The following AGBL4 variants were observed in gnomAD, a reference collection of about 807,000 sequenced individuals.
AGBL4 encodes cytosolic carboxypeptidase 6.
AGBL4 carries 58 observed loss-of-function variants against 66.4 expected under a neutral mutation model. The observed-to-expected ratio is 0.87, with a 90% CI of 0.71 to 1.09. The LOEUF (loss-of-function observed/expected upper bound fraction) is 1.09. Ranked by LOEUF, AGBL4 falls within the 50% of genes least tolerant of loss-of-function variation. AGBL4 has a pLI of 0.00. For synonymous variants in AGBL4, 234 were observed against 222.9 expected (o/e 1.05, Z -0.44); for missense variants, 579 against 631.0 (o/e 0.92, Z 0.88).
At chr1:49,408,948 T>C (rs1372453577) in intron 3 of AGBL4, among the ~76,000 whole-genome samples, 2 of 152,222 alleles carry the variant, frequency 1.3e-5, no homozygotes, top group South Asian at 2.1e-4. Flanking sequence ...CACTGACTAA[T>C]ACACCTTGTG....
intron 5 of AGBL4, among the ~76,000 whole-genome samples, chr1:48,994,985 C>G (rs1190820767): frequency 6.6e-6 from 1 of 152,158 alleles, no homozygotes; most frequent in African/African-American, 2.4e-5. Context: ...ATTTCAAACA[C>G]AATTTGAGCC....
rs149672355 is a variant in AGBL4, at chr1:49,021,646, G to A, written c.594+23938C>T. 1.4e-3 allele frequency among the ~76,000 whole-genome samples: 208 copies of A among 152,168 alleles called. 2 individuals carry two copies. The highest frequency in any genetic ancestry group is 9.5e-3 in the South Asian group (46 of 4,822). ...TCTTGAACTGTGAGTAAAAAATTCC[G>A]GTTTTTAATAAACCACCTAGTCTAT... On this transcript the variant is annotated intron_variant, in intron 5 of 13. Coordinates refer to ENST00000371839, the MANE Select transcript of AGBL4 (RefSeq NM_032785.4).
chr1:48,732,118 G>A (rs1384408988), intron 6 of AGBL4, among the ~76,000 whole-genome samples: 2 of 152,146 alleles, frequency 1.3e-5, no homozygotes, highest in South Asian at 2.1e-4. Context: ...AAACAGATGG[G>A]TAGTGAGGGA....
chr1:49,398,027 T>C (rs866018383), intron 3 of AGBL4, among the ~76,000 whole-genome samples: 1 of 152,224 alleles, frequency 6.6e-6, no homozygotes, highest in African/African-American at 2.4e-5. Context: ...TTGTCTTGGA[T>C]ACTTTTAATA....
At chr1:49,792,334 C>A (rs1222251242) in intron 2 of AGBL4, among the ~76,000 whole-genome samples, 2 of 151,920 alleles carry the variant, frequency 1.3e-5, no homozygotes, top group African/African-American at 4.8e-5. Context: ...AGCAGCTACA[C>A]AAGATTAACA....
intron 6 of AGBL4, among the ~76,000 whole-genome samples, chr1:48,675,064 T>C (rs1646342684): frequency 6.6e-6 from 1 of 152,218 alleles, no homozygotes; most frequent in Non-Finnish European, 1.5e-5. Flanking sequence ...TTGACATGGT[T>C]GTTTTGATGT....
chr1:49,485,572 C>T (rs1557984841), intron 3 of AGBL4, among the ~76,000 whole-genome samples: 1 of 150,524 alleles, frequency 6.6e-6, no homozygotes, highest in African/African-American at 2.4e-5. Flanking sequence ...CTAACCTGCA[C>T]ATTGTGCACA....
At chr1:49,746,962 A>G (rs1651033256) in intron 2 of AGBL4, among the ~76,000 whole-genome samples, 1 of 152,138 alleles carries the variant, frequency 6.6e-6, no homozygotes, top group African/African-American at 2.4e-5. Context: ...AGCAAGCACA[A>G]TCCCCTGATA....
chr1:48,789,950 G>A (rs1238497631), intron 6 of AGBL4, among the ~76,000 whole-genome samples: 2 of 152,328 alleles, frequency 1.3e-5, no homozygotes, highest in South Asian at 2.1e-4. Flanking sequence ...CATAAACAAC[G>A]AGGTATATTT....
chr1:48,592,200 A>G (rs943795070), intron 9 of AGBL4, among the ~76,000 whole-genome samples: 1 of 152,184 alleles, frequency 6.6e-6, no homozygotes, highest in African/African-American at 2.4e-5. Context: ...CCCTTGCACA[A>G]TTAACTTATT....
At chr1:48,987,678 A>C (rs748030206) in intron 5 of AGBL4, among the ~76,000 whole-genome samples, 2 of 152,150 alleles carry the variant, frequency 1.3e-5, no homozygotes, top group Non-Finnish European at 2.9e-5. Flanking sequence ...CTTATAGAAC[A>C]TTCCACTCAA....
At chr1:48,755,215 A>T (rs1652362376) in intron 6 of AGBL4, among the ~76,000 whole-genome samples, 1 of 152,148 alleles carries the variant, frequency 6.6e-6, no homozygotes, top group Non-Finnish European at 1.5e-5. Context: ...CTGCTGACGG[A>T]CCTGCTTCCC....
intron 4 of AGBL4, among the ~76,000 whole-genome samples, chr1:49,054,879 CT>C (rs951029427): frequency 1.3e-5 from 2 of 151,688 alleles, no homozygotes; most frequent in African/African-American, 4.8e-5. Context: ...TTTTGGCTGT[CT>C]TTTGTTCAAA....
chr1:48,540,761 A>T (rs1245082276), intron 11 of AGBL4, among the ~76,000 whole-genome samples: 1 of 151,878 alleles, frequency 6.6e-6, no homozygotes, highest in Non-Finnish European at 1.5e-5. Flanking sequence ...TCTCCAAGAC[A>T]CCTCCCATAT....
chr1:49,285,186 A>C (rs1269502767), intron 3 of AGBL4, among the ~76,000 whole-genome samples: 2 of 152,232 alleles, frequency 1.3e-5, no homozygotes, highest in African/African-American at 2.4e-5. Flanking sequence ...GACCACAGTG[A>C]AATGAAAATA....
intron 4 of AGBL4, among the ~76,000 whole-genome samples, chr1:49,074,726 T>C (rs886223431): frequency 5.9e-5 from 9 of 152,196 alleles, no homozygotes; most frequent in African/African-American, 2.2e-4. Flanking sequence ...CAGTTCTGTC[T>C]CACTCCAAAG....
At chr1:48,783,249 C>A (rs1645338476) in intron 6 of AGBL4, among the ~76,000 whole-genome samples, 2 of 152,134 alleles carry the variant, frequency 1.3e-5, no homozygotes, top group Admixed American at 1.3e-4. Flanking sequence ...TGGGCATTAT[C>A]CTGAGCTGTG....
intron 1 of AGBL4, among the ~76,000 whole-genome samples, chr1:49,992,253 T>C (rs1557645418): frequency 6.6e-6 from 1 of 151,490 alleles, no homozygotes; most frequent in Non-Finnish European, 1.5e-5. Flanking sequence ...GCACCCGCAG[T>C]CCCAGCTACT....
chr1:49,152,095 T>A (rs992335776), intron 4 of AGBL4, among the ~76,000 whole-genome samples: 1 of 152,104 alleles, frequency 6.6e-6, no homozygotes, highest in Non-Finnish European at 1.5e-5. Context: ...TTATAATAAA[T>A]TTAAAAAGTA....
Sources: allele counts gnomAD v4.1 joint callset (sites outside exome capture counted in the v4.1 genomes callset), GRCh38; gene constraint gnomAD v4.1.1; transcripts MANE v1.5; gene names NCBI Gene and HGNC (gene_info 2026-07-23, HGNC 2026-07-21).